RGS6: variants seen among roughly 807,000 people sequenced by gnomAD.
The protein encoded by RGS6 is regulator of G protein signaling 6, also known as regulator of G-protein signaling 6.
A neutral mutation model predicts 78.5 loss-of-function variants in RGS6; 30 were observed. The ratio of observed to expected loss-of-function variants is 0.38; its 90% CI spans 0.29 to 0.52. The LOEUF (loss-of-function observed/expected upper bound fraction) is 0.52, where lower values mean the gene tolerates loss of function less well. Among genes scored for constraint, RGS6 ranks in the 20% least tolerant of loss-of-function variants. The probability of loss-of-function intolerance (pLI) is 0.85; values close to 1 mark genes in which losing one functional copy is unlikely to be tolerated. For missense variants in RGS6, 495 were observed against 609.7 expected, an observed-to-expected ratio of 0.81 and a Z score of 1.98; for synonymous variants, 206 against 206.0, an observed-to-expected ratio of 1.00 and a Z score of 0.00.
At chr14:72,053,151 C>T (rs573589568) in intron 2 of RGS6, among the ~76,000 whole-genome samples, 4 of 130,892 alleles carry the variant, frequency 3.1e-5, no homozygotes, top group East Asian at 4.5e-4. Context: ...GATGGAGTCT[C>T]GCTCTGTCAC....
intron 2 of RGS6, among the ~76,000 whole-genome samples, chr14:72,017,406 T>C (rs1328246046): frequency 2.6e-5 from 4 of 152,232 alleles, no homozygotes; most frequent in East Asian, 1.9e-4. Flanking sequence ...TTTCATGTTA[T>C]GTGGCATTCA....
chr14:72,457,025 A>C (rs1019851843), intron 4 of RGS6, among the ~76,000 whole-genome samples: 1 of 150,744 alleles, frequency 6.6e-6, no homozygotes, highest in Non-Finnish European at 1.5e-5. Flanking sequence ...TCAAGTCTGC[A>C]ATGAGCTGTG....
chr14:72,099,002 T>C (rs2095472075), intron 2 of RGS6, among the ~76,000 whole-genome samples: 1 of 152,196 alleles, frequency 6.6e-6, no homozygotes, highest in South Asian at 2.1e-4. Context: ...TCCTTAGAAT[T>C]GTATGGCTTT....
intron 1 of RGS6, among the ~76,000 whole-genome samples, chr14:71,939,174 C>G (rs2090081944): frequency 6.6e-6 from 1 of 152,166 alleles, no homozygotes; most frequent in Non-Finnish European, 1.5e-5. Context: ...TCCAAATAGG[C>G]CCACTAAGTG....
intron 2 of RGS6, among the ~76,000 whole-genome samples, chr14:72,084,248 T>C (rs1195848505): frequency 6.6e-6 from 1 of 152,174 alleles, no homozygotes; most frequent in Non-Finnish European, 1.5e-5. Context: ...GTTCACAATA[T>C]GGTTTGCGTT....
chr14:71,909,554 G>A, the RGS6 span, among the ~76,000 whole-genome samples: 1 of 109,600 alleles, frequency 9.1e-6, no homozygotes, highest in Non-Finnish European at 1.8e-5. Flanking sequence ...CAGAGAGGGA[G>A]AGAGAGAGAG....
intron 17 of RGS6, chr14:72,550,805 T>A: frequency 1.8e-6 from 1 of 550,266 alleles, no homozygotes. Context: ...CATAGCTTGC[T>A]TGCTTGCTTT....
intron 2 of RGS6, among the ~76,000 whole-genome samples, chr14:72,199,646 C>T (rs1037923598): frequency 6.6e-6 from 1 of 152,150 alleles, no homozygotes; most frequent in African/African-American, 2.4e-5. Context: ...ATATGCTCTC[C>T]CCTCAGTAGG....
chr14:72,581,388 C>T, the RGS6 span, among the ~76,000 whole-genome samples: 1 of 152,080 alleles, frequency 6.6e-6, no homozygotes, highest in African/African-American at 2.4e-5. Flanking sequence ...TTCCTTCTTC[C>T]CCACTGCCAC....
chr14:72,411,578 C>A (rs2093416877), intron 3 of RGS6, among the ~76,000 whole-genome samples: 1 of 152,238 alleles, frequency 6.6e-6, no homozygotes, highest in South Asian at 2.1e-4. Flanking sequence ...TGCCTGATTG[C>A]CCTGGCCAGA....
At chr14:72,586,188 T>C in the RGS6 span, among the ~76,000 whole-genome samples, 1 of 152,192 alleles carries the variant, frequency 6.6e-6, no homozygotes, top group Non-Finnish European at 1.5e-5. Flanking sequence ...TTGCTATGGC[T>C]TGGATATGGT....
chr14:72,072,598 T>C lies in RGS6; in HGVS notation c.84+107723T>C, dbSNP rs565494791. 3.3e-4 allele frequency among the ~76,000 whole-genome samples: 50 copies of C among 152,244 alleles called. No homozygotes were observed. The Middle Eastern group carries it at 0.014, about 41-fold the overall frequency. ...TGCTGGGATTACAGGTGTGAGCCAC[T>C]GTTCTTGGCTGTTTGTGTTTTATAT... On this transcript the variant is annotated intron_variant, in intron 2 of 17. Coordinates refer to ENST00000553525, the MANE Select transcript of RGS6 (RefSeq NM_001204424.2).
At chr14:72,462,861 T>G (rs2095816471) in intron 6 of RGS6, among the ~76,000 whole-genome samples, 1 of 152,144 alleles carries the variant, frequency 6.6e-6, no homozygotes. Flanking sequence ...TAAAATTCTT[T>G]GGTTCTAAAA....
At chr14:72,352,433 G>A (rs1422915230) in intron 3 of RGS6, among the ~76,000 whole-genome samples, 1 of 152,052 alleles carries the variant, frequency 6.6e-6, no homozygotes, top group Non-Finnish European at 1.5e-5. Context: ...GAGGCTGCTG[G>A]GAATAAATAA....
rs3053026 is a variant in RGS6 at position 71,953,969 on chromosome 14, GTTTTTTTT to G, written c.-20-10791_-20-10784del. 1.7e-4 allele frequency among the ~76,000 whole-genome samples: 13 copies of G among 76,080 alleles called. 1 individual carries two copies. The highest frequency in any genetic ancestry group is 6.3e-4 in the African/African-American group (12 of 18,936). 49.9% of individuals were successfully genotyped at this position (76,080 alleles called of 152,430 possible). On this transcript the variant is annotated intron_variant, in intron 1 of 17. Transcript: ENST00000553525. The stretch of plus-strand genomic sequence containing the variant: ...ACTAGATGTAGAATTCTAAGTGGGC[GTTTTTTTT>G]TTTTTTTTTTTCCTTCAACATTTTA...
chr14:72,594,308 T>G, the RGS6 span: 4 of 152,190 alleles, frequency 2.6e-5, no homozygotes, highest in Non-Finnish European at 5.9e-5. Flanking sequence ...GCAGGCGGCC[T>G]CATAGAACTC....
At chr14:72,237,232 T>A (rs111777352) in intron 2 of RGS6, among the ~76,000 whole-genome samples, 368 of 152,348 alleles carry the variant, frequency 2.4e-3, no homozygotes, top group African/African-American at 8.4e-3. Context: ...TATGCCACAA[T>A]TTTTAAATCT....
At chr14:72,518,577 T>A in intron 15 of RGS6, 40 bp downstream of exon 15, 1 of 1,579,474 alleles carries the variant, frequency 6.3e-7, no homozygotes. Flanking sequence ...AAGGTGTTCA[T>A]TTGTCCCCTT....
chr14:71,994,952 G>A (rs1021223849), intron 2 of RGS6, among the ~76,000 whole-genome samples: 5 of 152,160 alleles, frequency 3.3e-5, no homozygotes, highest in Non-Finnish European at 5.9e-5. Context: ...CGTCCTTACA[G>A]CCAGCAAGAC....
Sources: allele counts gnomAD v4.1 joint callset (sites outside exome capture counted in the v4.1 genomes callset), GRCh38; gene constraint gnomAD v4.1.1; transcripts MANE v1.5; gene names NCBI Gene and HGNC (gene_info 2026-07-23, HGNC 2026-07-21).